BRCC3: variants seen among roughly 807,000 people sequenced by gnomAD.
BRCC3 encodes lys-63-specific deubiquitinase BRCC36.
Under a neutral mutation model 28.0 loss-of-function variants are expected in BRCC3, and 15 were observed. The ratio of observed to expected loss-of-function variants is 0.54; its 90% confidence interval spans 0.36 to 0.82. The LOEUF (loss-of-function observed/expected upper bound fraction) is 0.82. Among genes scored for constraint, BRCC3 ranks in the 40% least tolerant of loss-of-function variants. The pLI is 0.01. For synonymous variants in BRCC3, 66 were observed against 80.3 expected, an observed-to-expected ratio of 0.82 and a Z score of 0.95; for missense variants, 109 against 225.9, an observed-to-expected ratio of 0.48 and a Z score of 3.32.
At chrX:155,092,282 A>C (rs2074179974) in intron 7 of BRCC3, among the ~76,000 whole-genome samples, 1 of 111,378 alleles carries the variant, frequency 9.0e-6, no homozygotes, top group African/African-American at 3.3e-5. Flanking sequence ...CTAATCTTAA[A>C]GTTTGCTTAT....
chrX:155,085,175 G>A (rs2074113809), intron 5 of BRCC3, among the ~76,000 whole-genome samples: 2 of 111,973 alleles, frequency 1.8e-5, no homozygotes, highest in East Asian at 2.8e-4. Context: ...ATGTCCCCTT[G>A]GGGGGAAAAC....
In BRCC3 at chrX:155,121,617, A is replaced by G. The variant is rs2074388760; in HGVS notation, c.*413A>G. 8.9e-6 allele frequency: 1 copy of G among 112,469 alleles called. No individual in the cohort carries two copies. Among genetic ancestry groups the G allele is most frequent in the South Asian group, 3.6e-4 (1 of 2,756 alleles). 9.3% of individuals were successfully genotyped at this position (112,469 alleles called of 1,213,427 possible). A position where few individuals can be genotyped will look rare whatever the true frequency, so the allele number is the denominator to read the frequency against. ...ATACATAAAACTAGATAACTTTGAA[A>G]AAAGCCACAGGAGAAAAATCTTCAG... is the stretch of plus-strand genomic sequence containing the variant. On this transcript the variant is annotated 3_prime_UTR_variant, in exon 11 of 11. Transcript: ENST00000330045.
intron 10 of BRCC3, 28 bp downstream of exon 10, chrX:155,120,196 A>C: frequency 9.2e-7 from 1 of 1,086,636 alleles, no homozygotes; most frequent in Non-Finnish European, 1.3e-6. Flanking sequence ...CAATTTGTGT[A>C]CTAAACACAG....
intron 7 of BRCC3, among the ~76,000 whole-genome samples, chrX:155,095,668 C>T (rs1247661251): frequency 1.8e-5 from 2 of 111,695 alleles, no homozygotes; most frequent in African/African-American, 6.5e-5. Flanking sequence ...CAGTAGTGTA[C>T]AGTAATATCT....
chrX:155,116,246 CTTCTGTCCTT>C (rs2074354967), intron 8 of BRCC3, 58 bp downstream of exon 8: 1 of 1,083,951 alleles, frequency 9.2e-7, no homozygotes, highest in Admixed American at 3.0e-5. Context: ...CTCTTTTCTT[CTTCTGTCCTT>C]TTCTCTTTAG....
At chrX:155,112,138 T>G (rs962853967) in intron 7 of BRCC3, among the ~76,000 whole-genome samples, 1 of 112,153 alleles carries the variant, frequency 8.9e-6, no homozygotes, top group African/African-American at 3.2e-5. Flanking sequence ...TAAAATTAAG[T>G]TGGATACTTT....
intron 5 of BRCC3, among the ~76,000 whole-genome samples, chrX:155,087,391 C>G (rs1432226055): frequency 8.9e-6 from 1 of 112,002 alleles, no homozygotes; most frequent in Non-Finnish European, 1.9e-5. Flanking sequence ...AGGGTCGGCT[C>G]GCTTTGGCAG....
chrX:155,118,901 G>A (rs1281613193), intron 9 of BRCC3, among the ~76,000 whole-genome samples: 2 of 111,390 alleles, frequency 1.8e-5, no homozygotes, highest in Non-Finnish European at 3.8e-5. Context: ...TCATAGAACT[G>A]TATACTTTAA....
At chrX:155,079,037 G>A (rs1248669103) in intron 5 of BRCC3, 2 of 158,974 alleles carry the variant, frequency 1.3e-5, no homozygotes, top group African/African-American at 3.1e-5. Context: ...TGCTGTTTAC[G>A]TATAGTCCAT....
intron 7 of BRCC3, 67 bp downstream of exon 7, chrX:155,090,906 T>C: frequency 1.2e-6 from 1 of 830,036 alleles, no homozygotes; most frequent in Non-Finnish European, 1.8e-6. Context: ...TTTATTGTTT[T>C]GTTTCATTTT....
intron 3 of BRCC3, among the ~76,000 whole-genome samples, chrX:155,075,085 A>G (rs1403394352): frequency 8.9e-6 from 1 of 112,728 alleles, no homozygotes; most frequent in East Asian, 2.7e-4. Context: ...TTATTTTAAT[A>G]TGTAGTGAAT....
chrX:155,116,069 C>T lies in BRCC3; in HGVS notation c.561C>T (p.Ile187=), dbSNP rs781938102. The change falls in exon 8 of 11, where the codon ATC becomes ATT. Residue 187 remains isoleucine (I), a synonymous_variant. Transcript: ENST00000330045. ...QAQKSSEYER[I]EIPIHIVPHV... ...GATTGCCTCACAGGTATGAGAGAAT[C>T]GAAATCCCAATCCATATTGTACCTC... The T allele has an allele frequency of 1.6e-4, 192 of 1,206,318 alleles. 1 individual carries two copies. In the South Asian group the frequency reaches 2.2e-3, roughly 14 times the overall value.
chrX:155,094,581 A>C (rs1294963261), intron 7 of BRCC3, among the ~76,000 whole-genome samples: 1 of 111,146 alleles, frequency 9.0e-6, no homozygotes, highest in Non-Finnish European at 1.9e-5. Context: ...CTAATACTTG[A>C]GCAATGTATG....
chrX:155,080,403 A>C, intron 5 of BRCC3, among the ~76,000 whole-genome samples: 1 of 110,244 alleles, frequency 9.1e-6, no homozygotes, highest in Non-Finnish European at 1.9e-5. Flanking sequence ...ACAAGAACCC[A>C]GGTAGGAGTT....
chrX:155,098,533 C>T (rs918680541), intron 7 of BRCC3, among the ~76,000 whole-genome samples: 5 of 111,977 alleles, frequency 4.5e-5, no homozygotes, highest in African/African-American at 1.3e-4. Context: ...GCCAGGTTGG[C>T]CTGGGGCCTA....
chrX:155,084,878 G>T (rs1392335021), intron 5 of BRCC3, among the ~76,000 whole-genome samples: 2 of 111,467 alleles, frequency 1.8e-5, no homozygotes, highest in Non-Finnish European at 3.8e-5. Context: ...GCTAAGGTGG[G>T]AGGAACCCTT....
chrX:155,075,313 C>CT lies in BRCC3; in HGVS notation c.196-1857_196-1856insT, dbSNP rs1557293407. On this transcript the variant is annotated intron_variant, in intron 3 of 10. Transcript: ENST00000330045. ...TTTCCCCTGGCCCTTCTTGTTCTTC[C>CT]CCACACTAAATGTGGCCACTCCCCT... 5.7e-5 allele frequency among the ~76,000 whole-genome samples: 3 copies of CT among 52,205 alleles called. No individual in the cohort carries two copies. In the African/African-American group the frequency reaches 1.5e-3, roughly 26 times the overall value. The allele number at this position is 52,205 out of a possible 115,157, so 45.3% of individuals were successfully genotyped here.
Position 155,121,504 on chromosome X carries a change from A to G in BRCC3, c.*300A>G. ...ACAAATTATGCTAGAGCAATTAGACACCCATGGCGAGGAGAAAAAAGAACC... is the reference window on the plus strand; with the variant it reads ...ACAAATTATGCTAGAGCAATTAGACGCCCATGGCGAGGAGAAAAAAGAACC... On this transcript the variant is annotated 3_prime_UTR_variant, in exon 11 of 11. Coordinates refer to ENST00000330045, the MANE Select transcript of BRCC3 (RefSeq NM_001018055.3). 1 of 112,009 alleles carries G rather than the reference A, an allele frequency of 8.9e-6. No individual in the cohort carries two copies. The allele number at this position is 112,009 out of a possible 1,213,427, so 9.2% of individuals were successfully genotyped here. A position where few individuals can be genotyped will look rare whatever the true frequency, so the allele number is the denominator to read the frequency against.
chrX:155,076,218 A>G (rs940502074), intron 3 of BRCC3, among the ~76,000 whole-genome samples: 1 of 110,478 alleles, frequency 9.1e-6, no homozygotes, highest in African/African-American at 3.3e-5. Flanking sequence ...AGCCTAGCCA[A>G]TATGGCTACC....
Sources: gnomAD v4.1 joint callset for allele counts (sites outside exome capture counted in the v4.1 genomes callset) on GRCh38, gnomAD v4.1.1 for gene constraint, MANE v1.5 for transcripts, NCBI Gene and HGNC (gene_info 2026-07-23, HGNC 2026-07-21) for gene names.